Variants in FAM162A observed in about 807,000 individuals in gnomAD.
FAM162A encodes the protein family with sequence similarity 162 member A.
In FAM162A, 23 loss-of-function variants were observed where a neutral mutation model predicts 21.8. That is an observed-to-expected ratio of 1.05 (90% CI 0.76 to 1.49). The LOEUF is 1.49. Ranked by LOEUF, FAM162A falls within the 40% of genes most tolerant of loss-of-function variation. The probability of loss-of-function intolerance (pLI) is 0.00; values close to 1 mark genes in which losing one functional copy is unlikely to be tolerated. For synonymous variants in FAM162A, 53 were observed against 61.3 expected (o/e 0.86, Z 0.64); for missense variants, 165 against 186.4 (o/e 0.89, Z 0.67).
In FAM162A at chr3:122,411,393, T is replaced by C. The variant is rs1399788809; in HGVS notation, c.*1562T>C. 1 of 152,204 alleles carries C rather than the reference T, an allele frequency of 6.6e-6. No homozygotes were observed. Among genetic ancestry groups the C allele is most frequent in the Non-Finnish European group, 1.5e-5 (1 of 68,042 alleles). 9.4% of individuals were successfully genotyped at this position (152,204 alleles called of 1,614,324 possible). On this transcript the variant is annotated 3_prime_UTR_variant, in exon 5 of 5. Coordinates refer to ENST00000477892, the MANE Select transcript of FAM162A (RefSeq NM_014367.4). ...TTGTACATTTTAGAAGATTAGTTTT[T>C]CTTATTTTGGGACACCTACACCAAT...
intron 1 of FAM162A, among the ~76,000 whole-genome samples, chr3:122,398,835 A>C (rs532516646): frequency 3.5e-4 from 53 of 152,360 alleles, no homozygotes; most frequent in Middle Eastern, 6.8e-3. Context: ...TGAAATACAT[A>C]CTGAAGTATT....
At position 122,410,068 on chromosome 3, in the gene FAM162A, A is replaced by G; in HGVS notation, c.*237A>G. 1 of 497,250 alleles carries G rather than the reference A, an allele frequency of 2.0e-6. No homozygotes were observed. Among genetic ancestry groups the G allele is most frequent in the Middle Eastern group, 5.7e-4 (1 of 1,752 alleles). 30.8% of individuals were successfully genotyped at this position (497,250 alleles called of 1,614,324 possible). On this transcript the variant is annotated 3_prime_UTR_variant, in exon 5 of 5. Coordinates refer to ENST00000477892, the MANE Select transcript of FAM162A (RefSeq NM_014367.4). ...CAGCCTTTTGGAGAAAAATGAAACAATTTATTTCAACTTGAATACCAACTC... is the reference window on the plus strand; with the variant it reads ...CAGCCTTTTGGAGAAAAATGAAACAGTTTATTTCAACTTGAATACCAACTC...
At chr3:122,409,646 A>C (rs889805885) in intron 4 of FAM162A, 93 bp from the exon 5 acceptor site, 2 of 1,069,846 alleles carry the variant, frequency 1.9e-6, no homozygotes, top group Non-Finnish European at 2.9e-6. Flanking sequence ...CCATGCCTCC[A>C]TGCCTCTGTT....
In FAM162A at chr3:122,390,166, T is replaced by C. The variant is rs2075595537; in HGVS notation, c.34+5867T>C. Among the ~76,000 whole-genome samples the C allele has an allele frequency of 2.0e-5, 3 of 152,282 alleles. 1 individual carries two copies. The South Asian group carries it at 6.2e-4, about 32-fold the overall frequency. ...AAAAAATAAGTTTTTTAGTTTTGAT[T>C]TTAAAGATGGGGGAGATAACATTTG... On this transcript the variant is annotated intron_variant, in intron 1 of 4. Transcript: ENST00000477892.
At chr3:122,406,619 C>A (rs1486661172) in intron 3 of FAM162A, among the ~76,000 whole-genome samples, 1 of 152,222 alleles carries the variant, frequency 6.6e-6, no homozygotes, top group Non-Finnish European at 1.5e-5. Context: ...AGTTCACTGT[C>A]ACTCAATTTT....
intron 2 of FAM162A, among the ~76,000 whole-genome samples, chr3:122,403,311 T>C (rs1401279615): frequency 6.6e-6 from 1 of 152,200 alleles, no homozygotes; most frequent in African/African-American, 2.4e-5. Flanking sequence ...ACATGCACAG[T>C]GGTTTCTTCA....
At chr3:122,389,386 GATAGATA>G (rs2075589156) in intron 1 of FAM162A, among the ~76,000 whole-genome samples, 32 of 13,644 alleles carry the variant, frequency 2.3e-3, no homozygotes, top group Admixed American at 8.3e-3. Flanking sequence ...TAGATGGATA[GATAGATA>G]GATAGATAGA....
intron 4 of FAM162A, among the ~76,000 whole-genome samples, chr3:122,408,195 A>T (rs1178676333): frequency 6.6e-6 from 1 of 152,212 alleles, no homozygotes; most frequent in Non-Finnish European, 1.5e-5. Flanking sequence ...CATAACCCTA[A>T]GAGGTAAATA....
Position 122,411,945 on chromosome 3 carries a change from TCTC to T in FAM162A, c.*2117_*2119del, listed in dbSNP as rs1258233763. On this transcript the variant is annotated 3_prime_UTR_variant, in exon 5 of 5. Transcript: ENST00000477892. Reference sequence around the variant, plus strand: ...AACAGTCATTTCTCATTTGTGTTATTCTCCTATTTGATAACATATAGTGACTAT... The same window carrying T: ...AACAGTCATTTCTCATTTGTGTTATTCTATTTGATAACATATAGTGACTAT... 3 of 152,200 alleles carry T rather than the reference TCTC, an allele frequency of 2.0e-5. No homozygotes were observed. The highest frequency in any genetic ancestry group is 4.4e-5 in the Non-Finnish European group (3 of 68,044). 9.4% of individuals were successfully genotyped at this position (152,200 alleles called of 1,614,324 possible).
At chr3:122,403,819 T>C (rs1424859081) in intron 2 of FAM162A, among the ~76,000 whole-genome samples, 1 of 152,234 alleles carries the variant, frequency 6.6e-6, no homozygotes, top group East Asian at 1.9e-4. Context: ...CCGCTCACCA[T>C]GGTATTACAG....
At chr3:122,384,839 C>T (rs1165868423) in intron 1 of FAM162A, among the ~76,000 whole-genome samples, 1 of 152,182 alleles carries the variant, frequency 6.6e-6, no homozygotes, top group Non-Finnish European at 1.5e-5. Context: ...GGATACATTA[C>T]TTTTAAACAC....
intron 1 of FAM162A, among the ~76,000 whole-genome samples, chr3:122,402,510 T>C (rs1182069831): frequency 6.6e-6 from 1 of 152,160 alleles, no homozygotes; most frequent in South Asian, 2.1e-4. Context: ...AAGTACTTAT[T>C]TAAAATTTAC....
intron 1 of FAM162A, among the ~76,000 whole-genome samples, chr3:122,393,709 T>C (rs2075614737): frequency 6.6e-6 from 1 of 152,140 alleles, no homozygotes; most frequent in African/African-American, 2.4e-5. Context: ...TGACATAACA[T>C]GGAGTGGGTA....
At chr3:122,388,490 A>G (rs1022001911) in intron 1 of FAM162A, among the ~76,000 whole-genome samples, 15 of 152,212 alleles carry the variant, frequency 9.9e-5, no homozygotes, top group Non-Finnish European at 2.1e-4. Flanking sequence ...TTGATTTTTA[A>G]AACAGAATGG....
chr3:122,395,508 G>A (rs1454160023), intron 1 of FAM162A, among the ~76,000 whole-genome samples: 3 of 152,142 alleles, frequency 2.0e-5, no homozygotes, highest in Non-Finnish European at 1.5e-5. Flanking sequence ...TCTGGAAATT[G>A]CAAAAACACT....
Position 122,410,471 on chromosome 3 carries a change from C to G in FAM162A, c.*640C>G, listed in dbSNP as rs547464882. 1.3e-5 allele frequency: 2 copies of G among 152,696 alleles called. No homozygotes were observed. The highest frequency in any genetic ancestry group is 6.5e-5 in the Admixed American group (1 of 15,348). The allele number at this position is 152,696 out of a possible 1,614,324, so 9.5% of individuals were successfully genotyped here. On this transcript the variant is annotated 3_prime_UTR_variant, in exon 5 of 5. Coordinates refer to ENST00000477892, the MANE Select transcript of FAM162A (RefSeq NM_014367.4). ...TAGCTTCATGCCTTAGAATTCTCAA[C>G]TGGCTGTTTTCTTACCACCTGAGAA...
In FAM162A at chr3:122,407,333, C is replaced by G; in HGVS notation, c.316C>G (p.Leu106Val). The G allele has an allele frequency of 6.2e-6, 10 of 1,614,090 alleles. No individual in the cohort carries two copies. In the Admixed American group the frequency reaches 1.7e-4, roughly 27 times the overall value. The part of the protein sequence containing the change: ...KNKMRVKISY[L>V]MIALTVVGCI... ...CAAGATGCGAGTGAAGATCAGCTAT[C>G]TAATGATTGCCCTGACGGTGGTAGG... The change falls in exon 4 of 5, where the codon CTA becomes GTA. Residue 106 changes from leucine (L) to valine (V), a missense_variant. Leu to Val is a conservative substitution (Grantham distance 32). Transcript: ENST00000477892.
At chr3:122,399,054 G>C (rs1246031760) in intron 1 of FAM162A, among the ~76,000 whole-genome samples, 1 of 152,060 alleles carries the variant, frequency 6.6e-6, no homozygotes, top group Admixed American at 6.6e-5. Context: ...GCACCCATTA[G>C]TTATCTTTTC....
At chr3:122,408,496 C>T (rs1021542074) in intron 4 of FAM162A, among the ~76,000 whole-genome samples, 2 of 152,160 alleles carry the variant, frequency 1.3e-5, no homozygotes, top group African/African-American at 2.4e-5. Flanking sequence ...AGGAAATGTA[C>T]TTTTGGCTGT....
Sources: allele counts gnomAD v4.1 joint callset (sites outside exome capture counted in the v4.1 genomes callset), GRCh38; gene constraint gnomAD v4.1.1; transcripts MANE v1.5; gene names NCBI Gene and HGNC (gene_info 2026-07-23, HGNC 2026-07-21).